The following ABCC1 variants were observed in gnomAD, a reference collection of about 807,000 sequenced individuals.
ABCC1 encodes multidrug resistance-associated protein 1.
Under a neutral mutation model 172.9 loss-of-function variants are expected in ABCC1, and 83 were observed. That is an observed-to-expected ratio of 0.48 (90% CI 0.40 to 0.58). ABCC1 has a LOEUF of 0.58. Among genes scored for constraint, ABCC1 ranks in the 20% least tolerant of loss-of-function variants. The pLI is 0.00. For missense variants in ABCC1, 1,817 were observed against 2,002.7 expected, an observed-to-expected ratio of 0.91 and a Z score of 1.77; for synonymous variants, 937 against 825.2, an observed-to-expected ratio of 1.14 and a Z score of -2.32.
rs2046124722 is a variant in ABCC1 at position 16,141,497 on chromosome 16, C to T, written c.*216C>T. ...ACCCAGGAGAGACAGAGATGCGAACCACCCAAAACACGCACACCCTGCCCC... is the reference window on the plus strand; with the variant it reads ...ACCCAGGAGAGACAGAGATGCGAACTACCCAAAACACGCACACCCTGCCCC... On this transcript the variant is annotated 3_prime_UTR_variant, in exon 31 of 31. Coordinates refer to ENST00000399410, the MANE Select transcript of ABCC1 (RefSeq NM_004996.4). The T allele has an allele frequency of 3.5e-6, 2 of 564,534 alleles. No homozygotes were observed. The highest frequency in any genetic ancestry group is 3.2e-5 in the Admixed American group (1 of 31,736). 35.0% of individuals were successfully genotyped at this position (564,534 alleles called of 1,614,324 possible). A position where few individuals can be genotyped will look rare whatever the true frequency, so the allele number is the denominator to read the frequency against.
At chr16:16,102,564 G>T in intron 19 of ABCC1, 63 bp from the exon 20 acceptor site, 1 of 1,492,866 alleles carries the variant, frequency 6.7e-7, no homozygotes. Context: ...GGTTTTTGTT[G>T]CCCTTGGTTT....
intron 10 of ABCC1, among the ~76,000 whole-genome samples, chr16:16,051,913 T>C (rs572996603): frequency 2.0e-5 from 3 of 152,310 alleles, no homozygotes; most frequent in South Asian, 4.2e-4. Flanking sequence ...GTTCACACTT[T>C]TCTGCTTACT....
chr16:16,074,258 C>T (rs1484214498), intron 14 of ABCC1, among the ~76,000 whole-genome samples: 4 of 152,216 alleles, frequency 2.6e-5, no homozygotes, highest in Admixed American at 6.5e-5. Flanking sequence ...GCCAGATGTG[C>T]CTTGAGGGAC....
At chr16:16,122,848 C>T (rs2045230023) in intron 24 of ABCC1, among the ~76,000 whole-genome samples, 1 of 152,048 alleles carries the variant, frequency 6.6e-6, no homozygotes, top group African/African-American at 2.4e-5. Context: ...TACACCACTG[C>T]ACTCCAGCCT....
chr16:15,996,734 T>A (rs765682761), intron 1 of ABCC1, among the ~76,000 whole-genome samples: 1 of 151,870 alleles, frequency 6.6e-6, no homozygotes, highest in Non-Finnish European at 1.5e-5. Context: ...TAGGGCAAAG[T>A]TAGTGAGCTG....
chr16:16,134,622 G>GTTT, intron 28 of ABCC1, 114 bp downstream of exon 28: 2 of 574,706 alleles, frequency 3.5e-6, no homozygotes, highest in Non-Finnish European at 2.5e-6. Flanking sequence ...CTACTTCATC[G>GTTT]TTCTTTTTTT....
intron 1 of ABCC1, among the ~76,000 whole-genome samples, chr16:15,971,707 T>C (rs1357947803): frequency 2.0e-5 from 3 of 152,178 alleles, no homozygotes; most frequent in African/African-American, 7.2e-5. Flanking sequence ...CGTGTCCATG[T>C]GTGCTTCAGG....
chr16:16,106,721 G>C lies in ABCC1; in HGVS notation c.2736-17G>C, dbSNP rs1479367966. 2 of 1,613,860 alleles carry C rather than the reference G, an allele frequency of 1.2e-6. No homozygotes were observed. The highest frequency in any genetic ancestry group is 1.1e-5 in the South Asian group (1 of 91,084). ...AGGCATCTGTACGGTTGACACCCTT[G>C]TGCTTTGCTTCTCCAGACAGCTCAG... On this transcript the variant is annotated splice_polypyrimidine_tract_variant and intron_variant, in intron 20 of 30. Coordinates refer to ENST00000399410, the MANE Select transcript of ABCC1 (RefSeq NM_004996.4).
chr16:16,122,024 G>C lies in ABCC1; in HGVS notation c.3440G>C (p.Ser1147Thr). The C allele has an allele frequency of 6.2e-6, 10 of 1,614,224 alleles. No homozygotes were observed. The highest frequency in any genetic ancestry group is 8.5e-6 in the Non-Finnish European group (10 of 1,180,044). Residue 1147 changes from serine (S) to threonine (T), a missense_variant, in exon 24 of 31, where the codon AGC becomes ACC. This residue lies in a region of ABCC1 where 1,412 missense variants were observed against 1,600.3 expected (regional missense o/e 0.88). Transcript: ENST00000399410. Reference sequence around the variant, plus strand: ...CAGCTGAAGCGCCTCGAGTCGGTCAGCCGCTCCCCGGTCTATTCCCATTTC... The same window carrying C: ...CAGCTGAAGCGCCTCGAGTCGGTCACCCGCTCCCCGGTCTATTCCCATTTC... ...SRQLKRLESVSRSPVYSHFNE... is the reference protein window; with the variant it reads ...SRQLKRLESVTRSPVYSHFNE...
At chr16:16,043,243 T>TTTCC (rs1021835519) in intron 7 of ABCC1, among the ~76,000 whole-genome samples, 2 of 140,788 alleles carry the variant, frequency 1.4e-5, no homozygotes, top group Non-Finnish European at 3.1e-5. Flanking sequence ...TTTTTTTTTT[T>TTTCC]CCACTGATGT....
intron 1 of ABCC1, among the ~76,000 whole-genome samples, chr16:15,987,458 G>T (rs574613659): frequency 5.9e-5 from 9 of 152,148 alleles, no homozygotes; most frequent in African/African-American, 2.2e-4. Context: ...GCTTAGCTTT[G>T]GCACTGTTGA....
rs972183633 is a variant in ABCC1, at chr16:16,096,216, G to A, written c.2644+5628G>A. On this transcript the variant is annotated intron_variant, in intron 19 of 30. Transcript: ENST00000399410. Reference sequence around the variant, plus strand: ...TGCACTCTAGCCTGGGTAACAGAGCGAGACTGTCTCAAAAAAAAAACAAAA... The same window carrying A: ...TGCACTCTAGCCTGGGTAACAGAGCAAGACTGTCTCAAAAAAAAAACAAAA... Among the ~76,000 whole-genome samples the A allele has an allele frequency of 5.5e-5, 8 of 145,496 alleles. No homozygotes were observed. In the East Asian group the frequency reaches 1.0e-3, roughly 18 times the overall value.
chr16:15,952,515 G>A (rs1345443350), intron 1 of ABCC1, among the ~76,000 whole-genome samples: 2 of 152,014 alleles, frequency 1.3e-5, no homozygotes, highest in African/African-American at 4.8e-5. Context: ...TAAGTGTTCT[G>A]TTGACCTTTA....
intron 1 of ABCC1, among the ~76,000 whole-genome samples, chr16:16,007,471 C>A (rs1219216169): frequency 1.3e-5 from 2 of 152,118 alleles, no homozygotes; most frequent in Non-Finnish European, 2.9e-5. Context: ...GTGGTCTGCC[C>A]ACTTGGCCTC....
chr16:16,040,800 A>C (rs1485642199), intron 7 of ABCC1, among the ~76,000 whole-genome samples: 1 of 151,686 alleles, frequency 6.6e-6, no homozygotes, highest in African/African-American at 2.4e-5. Flanking sequence ...GTTCTGGTTC[A>C]TAACAACCCA....
chr16:16,097,513 G>A (rs749141882), intron 19 of ABCC1, among the ~76,000 whole-genome samples: 11 of 152,188 alleles, frequency 7.2e-5, no homozygotes, highest in Non-Finnish European at 1.3e-4. Flanking sequence ...TGGATGAATC[G>A]CACCTTGGCT....
chr16:16,113,384 A>G lies in ABCC1; in HGVS notation c.3080-1382A>G, dbSNP rs576404172. Among the ~76,000 whole-genome samples the G allele has an allele frequency of 3.9e-5, 6 of 152,314 alleles. No homozygotes were observed. The East Asian group carries it at 9.6e-4, about 24-fold the overall frequency. On this transcript the variant is annotated intron_variant, in intron 22 of 30. Coordinates refer to ENST00000399410, the MANE Select transcript of ABCC1 (RefSeq NM_004996.4). ...TTAAAATTAAATAAACGTTGGGCGC[A>G]GTAGCTCACGCCTGTAACCCCAACA...
chr16:16,123,787 G>A (rs1013149994), intron 24 of ABCC1, among the ~76,000 whole-genome samples: 6 of 152,098 alleles, frequency 3.9e-5, no homozygotes, highest in Non-Finnish European at 8.8e-5. Context: ...CAAGGCAGGC[G>A]GGTCACTTGA....
At chr16:15,989,110 T>A (rs2151622157) in intron 1 of ABCC1, among the ~76,000 whole-genome samples, 1 of 150,736 alleles carries the variant, frequency 6.6e-6, no homozygotes, top group Non-Finnish European at 1.5e-5. Flanking sequence ...TGCATGTAAC[T>A]GTGTTCAGTT....
Sources: allele counts gnomAD v4.1 joint callset (sites outside exome capture counted in the v4.1 genomes callset), GRCh38; gene constraint gnomAD v4.1.1; regional missense constraint gnomAD v4.1.1; transcripts MANE v1.5; gene names NCBI Gene and HGNC (gene_info 2026-07-23, HGNC 2026-07-21).